CEP120: variants seen among roughly 807,000 people sequenced by gnomAD.
CEP120 encodes centrosomal protein 120.
A neutral mutation model predicts 126.5 loss-of-function variants in CEP120; 113 were observed. The ratio of observed to expected loss-of-function variants is 0.89; its 90% CI spans 0.77 to 1.04. The LOEUF is 1.04. Among genes scored for constraint, CEP120 ranks in the 50% least tolerant of loss-of-function variants. The probability of loss-of-function intolerance (pLI) is 0.00; values close to 1 mark genes in which losing one functional copy is unlikely to be tolerated. For missense variants in CEP120, 1,230 were observed against 1,155.7 expected, an observed-to-expected ratio of 1.06 and a Z score of -0.93; for synonymous variants, 400 against 394.3, an observed-to-expected ratio of 1.01 and a Z score of -0.17.
chr5:123,418,657 C>G lies in CEP120; in HGVS notation c.50-142G>C. On this transcript the variant is annotated intron_variant, in intron 1 of 19. Coordinates refer to ENST00000306467, the MANE Select transcript of CEP120 (RefSeq NM_001375405.1). ...TGTTGCTTAGGCTGGAGTTCAGTAG[C>G]GCAATCTCAGCTCACTGCAACCTCC... The G allele has an allele frequency of 4.7e-6, 3 of 639,778 alleles. 1 individual carries two copies. Among genetic ancestry groups the G allele is most frequent in the Admixed American group, 7.2e-5 (2 of 27,780 alleles). The allele number at this position is 639,778 out of a possible 1,614,324, so 39.6% of individuals were successfully genotyped here. A position where few individuals can be genotyped will look rare whatever the true frequency, so the allele number is the denominator to read the frequency against.
chr5:123,421,931 G>A (rs957006120), intron 1 of CEP120, among the ~76,000 whole-genome samples: 1 of 152,086 alleles, frequency 6.6e-6, no homozygotes, highest in Non-Finnish European at 1.5e-5. Context: ...CCCTCACACA[G>A]TGCCAGGCCT....
rs1335793588 is a variant in CEP120 at position 123,408,047 on chromosome 5, T to A, written c.463+4352A>T. ...AAAATTGTGAGATGCAATTTTTATT[T>A]GTCTGAGAGTTTTTATTTCTCCTTC... is the stretch of plus-strand genomic sequence containing the variant. On this transcript the variant is annotated intron_variant, in intron 4 of 19. Transcript: ENST00000306467. 4.0e-5 allele frequency among the ~76,000 whole-genome samples: 6 copies of A among 151,718 alleles called. No homozygotes were observed. In the East Asian group the frequency reaches 1.2e-3, roughly 29 times the overall value.
chr5:123,359,086 C>G (rs537063205), intron 18 of CEP120, among the ~76,000 whole-genome samples: 1 of 152,146 alleles, frequency 6.6e-6, no homozygotes, highest in East Asian at 1.9e-4. Flanking sequence ...GGCTAAATTA[C>G]TTATAAATTA....
At chr5:123,379,729 T>C (rs890319257) in intron 14 of CEP120, among the ~76,000 whole-genome samples, 5 of 151,024 alleles carry the variant, frequency 3.3e-5, no homozygotes, top group Non-Finnish European at 5.9e-5. Context: ...ACCTTATTTC[T>C]TGAGGCACAC....
chr5:123,422,804 C>G, intron 1 of CEP120, 146 bp downstream of exon 1: 3 of 801,834 alleles, frequency 3.7e-6, no homozygotes, highest in Non-Finnish European at 6.3e-6. Context: ...CCTAACAGAC[C>G]TCACTACGTA....
intron 4 of CEP120, chr5:123,402,204 C>T (rs1404583166): frequency 1.2e-5 from 18 of 1,557,794 alleles, no homozygotes; most frequent in African/African-American, 2.7e-5. Context: ...CAGGCCACCC[C>T]GAAAGCAGCT....
At chr5:123,347,711 T>C (rs1234314614) in intron 19 of CEP120, among the ~76,000 whole-genome samples, 1 of 152,084 alleles carries the variant, frequency 6.6e-6, no homozygotes, top group Non-Finnish European at 1.5e-5. Flanking sequence ...AGTGGTGTGA[T>C]CACAACTCAC....
chr5:123,377,127 T>C (rs759065441), intron 16 of CEP120, among the ~76,000 whole-genome samples: 4 of 152,248 alleles, frequency 2.6e-5, no homozygotes, highest in African/African-American at 4.8e-5. Context: ...AGAATATCTA[T>C]ATTTGCTTAA....
chr5:123,363,380 G>C (rs1770229201), intron 18 of CEP120, among the ~76,000 whole-genome samples: 1 of 151,372 alleles, frequency 6.6e-6, no homozygotes, highest in Non-Finnish European at 1.5e-5. Flanking sequence ...TTACTAAATT[G>C]CAAGCTCTGT....
At chr5:123,355,432 T>G (rs1452082689) in intron 18 of CEP120, among the ~76,000 whole-genome samples, 2 of 152,160 alleles carry the variant, frequency 1.3e-5, no homozygotes, top group East Asian at 3.9e-4. Flanking sequence ...TTTCTCCATA[T>G]CCTCTCCAGC....
intron 4 of CEP120, chr5:123,400,934 G>C (rs1259528555): frequency 1.3e-6 from 2 of 1,551,770 alleles, no homozygotes; most frequent in Non-Finnish European, 1.8e-6. Context: ...TGGGCAGGAC[G>C]TCAGAGGACT....
intron 18 of CEP120, among the ~76,000 whole-genome samples, chr5:123,351,271 A>G (rs1022324665): frequency 6.6e-6 from 1 of 152,196 alleles, no homozygotes; most frequent in African/African-American, 2.4e-5. Flanking sequence ...TGAACTTAAC[A>G]CAGAATCTAT....
chr5:123,375,384 G>A (rs1037713483), intron 16 of CEP120, among the ~76,000 whole-genome samples: 4 of 151,726 alleles, frequency 2.6e-5, no homozygotes, highest in Non-Finnish European at 1.5e-5. Flanking sequence ...GTGCAGTGTT[G>A]TGATTATGGC....
At chr5:123,412,361 A>G (rs75909197) in intron 4 of CEP120, 38 bp downstream of exon 4, 2 of 1,571,404 alleles carry the variant, frequency 1.3e-6, no homozygotes, top group Middle Eastern at 1.7e-4. Flanking sequence ...CCAAAGATGG[A>G]ACTTCTCAGA....
intron 4 of CEP120, among the ~76,000 whole-genome samples, chr5:123,411,694 A>G (rs987119450): frequency 6.6e-6 from 1 of 152,216 alleles, no homozygotes; most frequent in African/African-American, 2.4e-5. Flanking sequence ...GGGAGGAGGG[A>G]GGAATGAATA....
chr5:123,400,034 G>C (rs1021141222), intron 4 of CEP120, among the ~76,000 whole-genome samples: 3 of 152,160 alleles, frequency 2.0e-5, no homozygotes, highest in South Asian at 2.1e-4. Context: ...CTCAATGTTG[G>C]CAGGTACATG....
intron 3 of CEP120, 100 bp downstream of exon 3, chr5:123,415,910 A>C (rs1774350178): frequency 2.7e-6 from 2 of 740,394 alleles, no homozygotes; most frequent in African/African-American, 3.5e-5. Flanking sequence ...TCTATGACTG[A>C]TCAGGTCTAG....
At chr5:123,414,675 G>A (rs1015246701) in intron 3 of CEP120, among the ~76,000 whole-genome samples, 6 of 152,040 alleles carry the variant, frequency 3.9e-5, no homozygotes, top group South Asian at 2.1e-4. Context: ...TACTTAAAGC[G>A]CTAAGCAGCG....
At chr5:123,361,769 A>T (rs1770094424) in intron 18 of CEP120, among the ~76,000 whole-genome samples, 1 of 151,784 alleles carries the variant, frequency 6.6e-6, no homozygotes, top group South Asian at 2.1e-4. Context: ...TTTATGGCTC[A>T]TCTCTTTTTA....
Sources: allele counts gnomAD v4.1 joint callset (sites outside exome capture counted in the v4.1 genomes callset), GRCh38; gene constraint gnomAD v4.1.1; transcripts MANE v1.5; gene names NCBI Gene and HGNC (gene_info 2026-07-23, HGNC 2026-07-21).